Variants in TNS1 observed in about 807,000 individuals in gnomAD.
TNS1 encodes tensin 1, also known as tensin-1.
In TNS1, 62 loss-of-function variants were observed where a neutral mutation model predicts 168.6. The observed-to-expected ratio is 0.37, with a 90% CI of 0.30 to 0.45. TNS1 has a LOEUF of 0.45. Ranked by LOEUF, TNS1 falls within the 20% of genes least tolerant of loss-of-function variation. The probability of loss-of-function intolerance (pLI) is 1.00; values close to 1 mark genes in which losing one functional copy is unlikely to be tolerated. For missense variants in TNS1, 2,240 were observed against 2,339.4 expected (o/e 0.96, Z 0.88); for synonymous variants, 934 against 933.2 (o/e 1.00, Z -0.02).
chr2:218,031,672 G>C (rs1348848041), intron 1 of TNS1, among the ~76,000 whole-genome samples: 4 of 152,166 alleles, frequency 2.6e-5, no homozygotes, highest in African/African-American at 7.2e-5. Flanking sequence ...ATCCTTTTCA[G>C]CTCTGGGGTC....
chr2:217,886,458 G>A, intron 13 of TNS1, 76 bp downstream of exon 13: 1 of 1,211,366 alleles, frequency 8.3e-7, no homozygotes, highest in South Asian at 1.3e-5. Flanking sequence ...ACTACCCAAG[G>A]TTGCCTCTTA....
chr2:217,874,668 T>C (rs2125611921), intron 18 of TNS1, among the ~76,000 whole-genome samples: 1 of 152,336 alleles, frequency 6.6e-6, no homozygotes, highest in South Asian at 2.1e-4. Context: ...GCTAAAATCA[T>C]GTCTGTATCT....
Position 217,884,989 on chromosome 2 carries a change from C to T in TNS1, c.1246+46G>A, listed in dbSNP as rs780209230. The T allele has an allele frequency of 4.9e-5, 79 of 1,610,882 alleles. 1 individual carries two copies. In the South Asian group the frequency reaches 7.2e-4, roughly 15 times the overall value. On this transcript the variant is annotated intron_variant, in intron 16 of 32. Transcript: ENST00000682258. ...ATATCGTCTCAAACTGAGCTCCTCT[C>T]CCTGCCACAGGGGTGCCCACCCCCA...
chr2:217,835,584 C>A (rs1945054376), intron 20 of TNS1, among the ~76,000 whole-genome samples: 1 of 152,312 alleles, frequency 6.6e-6, no homozygotes, highest in Non-Finnish European at 1.5e-5. Context: ...AAGTTTGAGA[C>A]TCACTGCCTC....
rs758554993 is a variant in TNS1 at position 217,805,484 on chromosome 2, C to CCA, written c.5376-883_5376-882dup. ...CACACCACCACACACACCACACACA[C>CCA]CACACACACACCACACACACCACCA... is the stretch of plus-strand genomic sequence containing the variant. On this transcript the variant is annotated intron_variant, in intron 32 of 32. Transcript: ENST00000682258. Among the ~76,000 whole-genome samples, 3 of 36,764 alleles carry CCA rather than the reference C, an allele frequency of 8.2e-5. No homozygotes were observed. In the East Asian group the frequency reaches 1.6e-3, roughly 19 times the overall value. The allele number at this position is 36,764 out of a possible 152,430, so 24.1% of individuals were successfully genotyped here. A position where few individuals can be genotyped will look rare whatever the true frequency, so the allele number is the denominator to read the frequency against.
upstream of TNS1, among the ~76,000 whole-genome samples, chr2:218,004,095 G>A (rs1958624377): frequency 6.6e-6 from 1 of 152,170 alleles, no homozygotes; most frequent in Non-Finnish European, 1.5e-5. Context: ...ACTGAGGGTG[G>A]GTGGGGGCCA....
chr2:217,838,118 T>A (rs569750724), intron 19 of TNS1, among the ~76,000 whole-genome samples: 56 of 152,338 alleles, frequency 3.7e-4, no homozygotes, highest in Non-Finnish European at 6.2e-4. Flanking sequence ...TTAAAATAAA[T>A]GCATTAGGGC....
intron 17 of TNS1, 76 bp from the exon 18 acceptor site, chr2:217,881,090 C>T (rs1036036419): frequency 2.6e-5 from 28 of 1,078,098 alleles, no homozygotes; most frequent in Non-Finnish European, 1.4e-6. Flanking sequence ...GCTGGAAAAA[C>T]AGAGAAAGCC....
Position 218,032,740 on chromosome 2 carries a change from C to G in TNS1, c.156+1080G>C, listed in dbSNP as rs917721752. Among the ~76,000 whole-genome samples the G allele has an allele frequency of 6.6e-6, 1 of 152,178 alleles. No individual in the cohort carries two copies. Among genetic ancestry groups the G allele is most frequent in the Non-Finnish European group, 1.5e-5 (1 of 68,022 alleles). On this transcript the variant is annotated intron_variant, in intron 1 of 1. Coordinates refer to the TNS1 transcript ENST00000649572. This position sits in a 1 kb window ranked among gnomAD's most constrained non-coding sequence, Gnocchi z 4.0. ...AGGGGGGAGCCCCGAGCAGCAGCAA[C>G]CCTCACTGGAGCCAGAGTCAGGGCA...
chr2:217,847,524 G>A lies in TNS1; in HGVS notation c.2993C>T (p.Ala998Val). The part of the protein sequence containing the change: ...EEPLNLEGLV[A>V]HRVAGVQARE... ...ATACCTCTTACCTGCTACCCTGTGG[G>A]CCACCAGCCCTTCTAAATTCAATGG... Residue 998 changes from alanine to valine, a missense_variant, in exon 19 of 33, where the codon GCC becomes GTC. Transcript: ENST00000682258. 6.8e-7 allele frequency: 1 copy of A among 1,466,460 alleles called. No individual in the cohort carries two copies. The highest frequency in any genetic ancestry group is 9.1e-7 in the Non-Finnish European group (1 of 1,102,332). The allele number at this position is 1,466,460 out of a possible 1,614,324, so 90.8% of individuals were successfully genotyped here.
intron 6 of TNS1, among the ~76,000 whole-genome samples, chr2:217,904,043 C>T (rs763272527): frequency 2.6e-5 from 4 of 152,178 alleles, no homozygotes; most frequent in Non-Finnish European, 5.9e-5. Context: ...GGTCTGTAAG[C>T]GAACACCAGG....
At chr2:217,821,603 G>C (rs1942859120) in intron 23 of TNS1, 137 bp downstream of exon 23, 2 of 843,026 alleles carry the variant, frequency 2.4e-6, no homozygotes, top group Non-Finnish European at 3.4e-6. Flanking sequence ...TGATGAACTG[G>C]TTTGCAAGGT....
Position 217,804,411 on chromosome 2 carries a change from C to T in TNS1, c.*48G>A, listed in dbSNP as rs760067374. 1.9e-6 allele frequency: 3 copies of T among 1,607,422 alleles called. No homozygotes were observed. The South Asian group carries it at 3.3e-5, about 18-fold the overall frequency. On this transcript the variant is annotated 3_prime_UTR_variant, in exon 33 of 33. Coordinates refer to ENST00000682258, the MANE Select transcript of TNS1 (RefSeq NM_001387777.1). ...GTGGTCAGGATTCATGGGTCCCCTC[C>T]CCACAAGCCCCTTCCCCATGGCACT...
chr2:217,843,533 A>T (rs578110510), intron 19 of TNS1, among the ~76,000 whole-genome samples: 2 of 152,156 alleles, frequency 1.3e-5, no homozygotes, highest in East Asian at 3.9e-4. Flanking sequence ...TTCTCCACTC[A>T]TCCTCAATCC....
chr2:218,021,996 C>A (rs560125039), intron 1 of TNS1, among the ~76,000 whole-genome samples: 1 of 152,042 alleles, frequency 6.6e-6, no homozygotes, highest in Non-Finnish European at 1.5e-5. Context: ...TGGGAGAAAT[C>A]TGGGGAAGGC....
chr2:217,907,752 G>T (rs1953882322), intron 4 of TNS1, among the ~76,000 whole-genome samples: 1 of 152,192 alleles, frequency 6.6e-6, no homozygotes, highest in Non-Finnish European at 1.5e-5. Flanking sequence ...CAGCCAGCCA[G>T]TCTCATTACT....
At chr2:217,804,661 G>T in intron 32 of TNS1, 58 bp from the exon 33 acceptor site, 5 of 1,603,282 alleles carry the variant, frequency 3.1e-6, no homozygotes, top group Non-Finnish European at 4.3e-6. Flanking sequence ...CCCAGGAGGT[G>T]GACAGCAGCC....
chr2:218,009,797 C>T (rs547707001), intron 1 of TNS1, among the ~76,000 whole-genome samples: 1 of 152,326 alleles, frequency 6.6e-6, no homozygotes, highest in African/African-American at 2.4e-5. Flanking sequence ...CCCAAATCCG[C>T]CGCCCTCCCA....
upstream of TNS1, among the ~76,000 whole-genome samples, chr2:218,014,871 G>A (rs1357777954): frequency 1.2e-4 from 6 of 49,054 alleles, no homozygotes; most frequent in African/African-American, 4.1e-4. Flanking sequence ...AAGGAAGGAC[G>A]GAAGGAAGGA....
Sources: allele counts gnomAD v4.1 joint callset (sites outside exome capture counted in the v4.1 genomes callset), GRCh38; gene constraint gnomAD v4.1.1; non-coding constraint Gnocchi (gnomAD v3.1); transcripts MANE v1.5; gene names NCBI Gene and HGNC (gene_info 2026-07-23, HGNC 2026-07-21).